ATP8A2: variants seen among roughly 807,000 people sequenced by gnomAD.
ATP8A2 encodes ATPase phospholipid transporting 8A2.
In ATP8A2, 100 loss-of-function variants were observed where a neutral mutation model predicts 165.6. That is an observed-to-expected ratio of 0.60 (90% CI 0.51 to 0.71). The LOEUF (loss-of-function observed/expected upper bound fraction) is 0.71. Among genes scored for constraint, ATP8A2 ranks in the 30% least tolerant of loss-of-function variants. The probability of loss-of-function intolerance (pLI) is 0.00; values close to 1 mark genes in which losing one functional copy is unlikely to be tolerated. For missense variants in ATP8A2, 1,227 were observed against 1,479.5 expected (o/e 0.83, Z 2.80); for synonymous variants, 543 against 548.8 (o/e 0.99, Z 0.15).
At chr13:25,417,090 A>T (rs2034153478) in intron 1 of ATP8A2, among the ~76,000 whole-genome samples, 2 of 152,176 alleles carry the variant, frequency 1.3e-5, no homozygotes, top group Admixed American at 1.3e-4. Context: ...AACTTTAATT[A>T]TGAAGTATTG....
At chr13:26,010,311 T>A (rs1369584550) in intron 35 of ATP8A2, among the ~76,000 whole-genome samples, 2 of 152,158 alleles carry the variant, frequency 1.3e-5, no homozygotes, top group African/African-American at 4.8e-5. Context: ...AGCCCCATCA[T>A]GAGGAGGAGC....
intron 25 of ATP8A2, among the ~76,000 whole-genome samples, chr13:25,701,452 T>C (rs2042949413): frequency 6.6e-6 from 1 of 152,178 alleles, no homozygotes; most frequent in Non-Finnish European, 1.5e-5. Context: ...GTTACTGCTC[T>C]ACCTCAGAGC....
At chr13:25,583,477 G>A (rs1346984565) in intron 23 of ATP8A2, among the ~76,000 whole-genome samples, 1 of 152,100 alleles carries the variant, frequency 6.6e-6, no homozygotes, top group Non-Finnish European at 1.5e-5. Flanking sequence ...AATAACCTAT[G>A]CGTGTCACTG....
At chr13:25,659,915 T>G (rs935711710) in intron 24 of ATP8A2, among the ~76,000 whole-genome samples, 5 of 152,206 alleles carry the variant, frequency 3.3e-5, no homozygotes, top group African/African-American at 1.2e-4. Context: ...CATTTAGAAT[T>G]AAATTACTAA....
chr13:26,017,408 T>G (rs150707716), intron 36 of ATP8A2, among the ~76,000 whole-genome samples: 10 of 152,300 alleles, frequency 6.6e-5, no homozygotes, highest in Admixed American at 5.2e-4. Flanking sequence ...ATTTGCTAGA[T>G]TTTGCTTTGA....
chr13:25,855,088 T>TA (rs1952119122), intron 30 of ATP8A2, among the ~76,000 whole-genome samples: 1 of 151,932 alleles, frequency 6.6e-6, no homozygotes. Flanking sequence ...CCGTCTCTAC[T>TA]AAAAATACAA....
chr13:25,579,660 G>T, intron 21 of ATP8A2, 148 bp from the exon 22 acceptor site: 1 of 786,588 alleles, frequency 1.3e-6, no homozygotes, highest in Non-Finnish European at 2.1e-6. Context: ...AAGGTCCCTT[G>T]GTAGATGTGG....
At chr13:25,948,237 C>T (rs1955262941) in intron 33 of ATP8A2, among the ~76,000 whole-genome samples, 1 of 151,874 alleles carries the variant, frequency 6.6e-6, no homozygotes, top group African/African-American at 2.4e-5. Context: ...GGACCCAGTT[C>T]CCCCTCAAAA....
intron 1 of ATP8A2, among the ~76,000 whole-genome samples, chr13:25,377,191 A>G (rs570241567): frequency 6.6e-6 from 1 of 152,230 alleles, no homozygotes; most frequent in African/African-American, 2.4e-5. Context: ...AAGGGTCTCT[A>G]TTCTTCCTCC....
chr13:25,855,651 C>A (rs181539535), intron 30 of ATP8A2, among the ~76,000 whole-genome samples: 4 of 152,170 alleles, frequency 2.6e-5, no homozygotes, highest in Admixed American at 2.6e-4. Flanking sequence ...GGGTTTCATT[C>A]ATATGTTTTC....
chr13:25,863,547 C>G (rs1952416693), intron 33 of ATP8A2: 1 of 152,328 alleles, frequency 6.6e-6, no homozygotes, highest in East Asian at 1.9e-4. Context: ...CATTGGTGTT[C>G]CTGCCCCAGG....
At chr13:26,014,594 C>A (rs908712212) in intron 36 of ATP8A2, among the ~76,000 whole-genome samples, 1 of 151,812 alleles carries the variant, frequency 6.6e-6, no homozygotes, top group Non-Finnish European at 1.5e-5. Context: ...AAAACAAATA[C>A]AAATGTCAAG....
intron 24 of ATP8A2, among the ~76,000 whole-genome samples, chr13:25,599,886 ATAAT>A (rs1417404045): frequency 2.0e-5 from 3 of 152,216 alleles, no homozygotes; most frequent in Non-Finnish European, 4.4e-5. Context: ...AGCAAAAGAA[ATAAT>A]TAATGCCAGT....
chr13:25,570,836 G>A lies in ATP8A2; in HGVS notation c.1543G>A (p.Asp515Asn), dbSNP rs1400930695. ...AVCHTVVPEK[D>N]GDNIIYQASS... ...GTGCCACACGGTTGTTCCTGAGAAG[G>A]ATGGAGATAACATCATCTACCAGGC... Residue 515 changes from aspartate to asparagine, a missense_variant, in exon 17 of 37, where the codon GAT becomes AAT. Transcript: ENST00000381655. 1 of 1,613,772 alleles carries A rather than the reference G, an allele frequency of 6.2e-7. No individual in the cohort carries two copies. The highest frequency in any genetic ancestry group is 8.5e-7 in the Non-Finnish European group (1 of 1,179,756).
chr13:25,819,997 C>T (rs1361856893), intron 27 of ATP8A2, among the ~76,000 whole-genome samples: 3 of 152,186 alleles, frequency 2.0e-5, no homozygotes, highest in Non-Finnish European at 4.4e-5. Flanking sequence ...TTTTTCACTT[C>T]AGTCCTCTAC....
intron 33 of ATP8A2, among the ~76,000 whole-genome samples, chr13:25,940,180 ATGCCGAACTTGACTCCGCCTTC>A (rs1207984986): frequency 6.6e-6 from 1 of 151,594 alleles, no homozygotes; most frequent in Non-Finnish European, 1.5e-5. Flanking sequence ...TCTGCTCTTC[ATGCCGAACTTGACTCCGCCTTC>A]TGCTCACCAC....
intron 33 of ATP8A2, among the ~76,000 whole-genome samples, chr13:25,869,037 C>G (rs1159702986): frequency 2.1e-5 from 3 of 143,268 alleles, no homozygotes; most frequent in African/African-American, 8.0e-5. Context: ...CCACTGCACT[C>G]CAGCCTGGGC....
intron 2 of ATP8A2, among the ~76,000 whole-genome samples, chr13:25,520,472 A>G (rs1279897281): frequency 6.6e-6 from 1 of 152,194 alleles, no homozygotes; most frequent in Admixed American, 6.5e-5. Flanking sequence ...AAATATGCTG[A>G]ATAGTGCTGC....
At chr13:25,623,515 GAA>G (rs2041025922) in intron 24 of ATP8A2, among the ~76,000 whole-genome samples, 1 of 151,904 alleles carries the variant, frequency 6.6e-6, no homozygotes, top group African/African-American at 2.4e-5. Flanking sequence ...TTATTAAGAA[GAA>G]AAGATTTGAA....
Sources: gnomAD v4.1 joint callset for allele counts (sites outside exome capture counted in the v4.1 genomes callset) on GRCh38, gnomAD v4.1.1 for gene constraint, MANE v1.5 for transcripts, NCBI Gene and HGNC (gene_info 2026-07-23, HGNC 2026-07-21) for gene names.